ENOX1: variants seen among roughly 807,000 people sequenced by gnomAD.
ENOX1 encodes the protein candidate growth-related and time keeping constitutive hydroquinone (NADH) oxidase.
ENOX1 carries 42 observed loss-of-function variants against 82.5 expected under a neutral mutation model. That is an observed-to-expected ratio of 0.51 (90% CI 0.40 to 0.66). The LOEUF (loss-of-function observed/expected upper bound fraction) is 0.66. Ranked by LOEUF, ENOX1 falls within the 30% of genes least tolerant of loss-of-function variation. The pLI is 0.00. For missense variants in ENOX1, 608 were observed against 811.6 expected, an observed-to-expected ratio of 0.75 and a Z score of 3.05; for synonymous variants, 271 against 282.2, an observed-to-expected ratio of 0.96 and a Z score of 0.40.
intron 2 of ENOX1, among the ~76,000 whole-genome samples, chr13:43,622,226 C>G (rs2082765352): frequency 6.6e-6 from 1 of 152,212 alleles, no homozygotes; most frequent in Admixed American, 6.5e-5. Context: ...TAACTAACCT[C>G]CTGAATTCTT....
At chr13:43,457,044 A>G (rs2057265739) in intron 3 of ENOX1, among the ~76,000 whole-genome samples, 1 of 152,094 alleles carries the variant, frequency 6.6e-6, no homozygotes, top group Admixed American at 6.6e-5. Flanking sequence ...TACTAATTTC[A>G]GTGAGATTTA....
chr13:43,257,549 T>C lies in ENOX1; in HGVS notation c.1611+7849A>G, dbSNP rs895038. 2.9e-3 allele frequency among the ~76,000 whole-genome samples: 437 copies of C among 152,334 alleles called. 8 individuals are homozygous for C. Among genetic ancestry groups the C allele is most frequent in the Admixed American group, 0.024 (365 of 15,298 alleles). ...TAAATTTGATAAAAATGTATATACA[T>C]GCACATAAACAAAGATAATGGAAAT... On this transcript the variant is annotated intron_variant, in intron 14 of 16. Coordinates refer to ENST00000690772, the MANE Select transcript of ENOX1 (RefSeq NM_001347969.2).
At chr13:43,573,081 G>C (rs1204518672) in intron 2 of ENOX1, among the ~76,000 whole-genome samples, 1 of 152,170 alleles carries the variant, frequency 6.6e-6, no homozygotes, top group Non-Finnish European at 1.5e-5. Flanking sequence ...ACAATAACTT[G>C]TGTGACATTA....
chr13:43,391,815 A>C (rs1312973505), intron 5 of ENOX1, among the ~76,000 whole-genome samples: 2 of 152,098 alleles, frequency 1.3e-5, no homozygotes, highest in African/African-American at 4.8e-5. Context: ...TCCCAAATCC[A>C]TTCTCTTTTA....
chr13:43,651,629 G>A (rs890455456), intron 2 of ENOX1, among the ~76,000 whole-genome samples: 9 of 149,162 alleles, frequency 6.0e-5, no homozygotes, highest in Non-Finnish European at 1.0e-4. Flanking sequence ...CCCAGGATGC[G>A]GAGGTTGCAG....
intron 1 of ENOX1, among the ~76,000 whole-genome samples, chr13:43,767,500 C>A (rs1005771530): frequency 2.0e-5 from 3 of 152,156 alleles, no homozygotes; most frequent in African/African-American, 7.2e-5. Flanking sequence ...ATAGGGCAGG[C>A]AGCAATTGCC....
intron 1 of ENOX1, among the ~76,000 whole-genome samples, chr13:43,702,570 T>G (rs768879401): frequency 7.0e-4 from 107 of 152,150 alleles, no homozygotes; most frequent in Non-Finnish European, 1.3e-3. Flanking sequence ...AACTCATATG[T>G]AGAAACTTGG....
At chr13:43,322,561 T>A in intron 10 of ENOX1, 60 bp from the exon 11 acceptor site, 1 of 1,360,368 alleles carries the variant, frequency 7.4e-7, no homozygotes, top group Non-Finnish European at 1.0e-6. Context: ...TCCCCAATGG[T>A]CTTTGGGTAT....
intron 5 of ENOX1, among the ~76,000 whole-genome samples, chr13:43,387,692 G>T (rs1028794481): frequency 2.0e-5 from 3 of 151,538 alleles, no homozygotes; most frequent in African/African-American, 7.3e-5. Flanking sequence ...ACATACACAT[G>T]CACACACACA....
In ENOX1 at chr13:43,412,886, A is replaced by T; in HGVS notation, c.29T>A (p.Ile10Asn). Residue 10 changes from isoleucine (I) to asparagine (N), a missense_variant, in exon 4 of 17, where the codon ATC becomes AAC. Coordinates refer to ENST00000690772, the MANE Select transcript of ENOX1 (RefSeq NM_001347969.2). Reference sequence around the variant, plus strand: ...AGGAAGCTCCTGGGGAAGCTGGGTGATGTTCTCAACTCCACCTGCATCTAC... The same window carrying T: ...AGGAAGCTCCTGGGGAAGCTGGGTGTTGTTCTCAACTCCACCTGCATCTAC... MVDAGGVEN[I>N]TQLPQELPQM... The T allele has an allele frequency of 6.2e-7, 1 of 1,614,056 alleles. No homozygotes were observed. Among genetic ancestry groups the T allele is most frequent in the African/African-American group, 1.3e-5 (1 of 75,008 alleles).
At chr13:43,362,025 C>T (rs1395397216) in intron 5 of ENOX1, among the ~76,000 whole-genome samples, 1 of 150,108 alleles carries the variant, frequency 6.7e-6, no homozygotes, top group African/African-American at 2.4e-5. Context: ...ATTACTATGG[C>T]TGGGTTAGAT....
At chr13:43,668,750 CACTTAGAAAGT>C (rs2085110165) in intron 1 of ENOX1, among the ~76,000 whole-genome samples, 1 of 152,116 alleles carries the variant, frequency 6.6e-6, no homozygotes, top group Non-Finnish European at 1.5e-5. Context: ...TACTGGTACA[CACTTAGAAAGT>C]ACCTGACCCA....
intron 1 of ENOX1, among the ~76,000 whole-genome samples, chr13:43,692,444 C>T (rs2086416808): frequency 6.6e-6 from 1 of 151,874 alleles, no homozygotes; most frequent in Admixed American, 6.6e-5. Context: ...AAATAAGTAG[C>T]TTTTCAATTG....
chr13:43,404,654 G>T (rs564298266), intron 5 of ENOX1, among the ~76,000 whole-genome samples: 2 of 152,138 alleles, frequency 1.3e-5, no homozygotes, highest in South Asian at 4.1e-4. Flanking sequence ...TTAGAGATAC[G>T]TGTTCTCCAT....
intron 3 of ENOX1, among the ~76,000 whole-genome samples, chr13:43,440,999 T>C (rs2056328499): frequency 6.6e-6 from 1 of 152,166 alleles, no homozygotes; most frequent in Non-Finnish European, 1.5e-5. Context: ...AATTTAATCA[T>C]GAAAGAACAT....
rs185495058 is a variant in ENOX1, at chr13:43,440,668, G to A, written c.-74-27680C>T. Among the ~76,000 whole-genome samples, 246 of 152,198 alleles carry A rather than the reference G, an allele frequency of 1.6e-3. 2 individuals are homozygous for A. Among genetic ancestry groups the A allele is most frequent in the African/African-American group, 5.8e-3 (239 of 41,532 alleles). On this transcript the variant is annotated intron_variant, in intron 3 of 16. Coordinates refer to ENST00000690772, the MANE Select transcript of ENOX1 (RefSeq NM_001347969.2). ...ACTAAAAATAAGAGCAACCTTAGAT[G>A]AATGCCTAAAACTAGAATGCTATAA... is the stretch of plus-strand genomic sequence containing the variant.
At chr13:43,577,220 C>T (rs1272191376) in intron 2 of ENOX1, among the ~76,000 whole-genome samples, 1 of 152,044 alleles carries the variant, frequency 6.6e-6, no homozygotes, top group Non-Finnish European at 1.5e-5. Flanking sequence ...CAACCTCTGC[C>T]TCCTGGGTTC....
intron 2 of ENOX1, among the ~76,000 whole-genome samples, chr13:43,656,978 C>T (rs964413501): frequency 3.9e-5 from 6 of 152,180 alleles, no homozygotes; most frequent in African/African-American, 1.2e-4. Flanking sequence ...ATGAAGCTTG[C>T]TATCTTCAGA....
chr13:43,374,524 C>T (rs1442801005), intron 5 of ENOX1, among the ~76,000 whole-genome samples: 2 of 152,170 alleles, frequency 1.3e-5, no homozygotes, highest in East Asian at 3.8e-4. Flanking sequence ...GGATTACAGG[C>T]ATGAGCCACT....
Sources: allele counts gnomAD v4.1 joint callset (sites outside exome capture counted in the v4.1 genomes callset), GRCh38; gene constraint gnomAD v4.1.1; transcripts MANE v1.5; gene names NCBI Gene and HGNC (gene_info 2026-07-23, HGNC 2026-07-21).